The following EIF4G3 variants were observed in gnomAD, a reference collection of about 807,000 sequenced individuals.
EIF4G3 encodes the protein eIF-4-gamma 3.
In EIF4G3, 34 loss-of-function variants were observed where a neutral mutation model predicts 186.4. The observed-to-expected ratio is 0.18, with a 90% confidence interval of 0.14 to 0.24. EIF4G3 has a LOEUF of 0.24. Ranked by LOEUF, EIF4G3 falls within the 10% of genes least tolerant of loss-of-function variation. The pLI, the probability that EIF4G3 is intolerant of heterozygous loss-of-function variation, is 1.00. For synonymous variants in EIF4G3, 673 were observed against 679.5 expected (o/e 0.99, Z 0.15); for missense variants, 1,536 against 1,948.5 (o/e 0.79, Z 3.99).
chr1:21,064,214 G>A lies in EIF4G3; in HGVS notation c.-195-13220C>T, dbSNP rs542148763. Among the ~76,000 whole-genome samples the A allele has an allele frequency of 2.6e-5, 4 of 152,190 alleles. No individual in the cohort carries two copies. The East Asian group carries it at 5.8e-4, about 22-fold the overall frequency. Reference sequence around the variant, plus strand: ...TCCTTTGTGCCCTGCAGCCAATGGCGAGGTTCATGCTATCCTTTGTGCCCT... The same window carrying A: ...TCCTTTGTGCCCTGCAGCCAATGGCAAGGTTCATGCTATCCTTTGTGCCCT... On this transcript the variant is annotated intron_variant, in intron 3 of 36. Coordinates refer to ENST00000602326, the MANE Select transcript of EIF4G3 (RefSeq NM_001391906.1).
intron 4 of EIF4G3, among the ~76,000 whole-genome samples, chr1:21,050,655 A>G (rs1176214623): frequency 6.6e-6 from 1 of 152,214 alleles, no homozygotes; most frequent in East Asian, 1.9e-4. Context: ...AATATCACCA[A>G]CAGTTAATTT....
chr1:21,176,360 T>C lies in EIF4G3; in HGVS notation c.-455-2A>G. 2 of 253,078 alleles carry C rather than the reference T, an allele frequency of 7.9e-6. No homozygotes were observed. Among genetic ancestry groups the C allele is most frequent in the Non-Finnish European group, 1.5e-5 (2 of 137,502 alleles). The allele number at this position is 253,078 out of a possible 1,614,324, so 15.7% of individuals were successfully genotyped here. A position where few individuals can be genotyped will look rare whatever the true frequency, so the allele number is the denominator to read the frequency against. On this transcript the variant is annotated splice_acceptor_variant, in intron 1 of 36. Transcript: ENST00000602326. LOFTEE classifies it low-confidence loss of function (5UTR_SPLICE). Reference sequence around the variant, plus strand: ...CGGTTCCTGCTGCAGTCGCTGTGCCTGATTTCAGAGCCGGTTTCTGCGGTA... The same window carrying C: ...CGGTTCCTGCTGCAGTCGCTGTGCCCGATTTCAGAGCCGGTTTCTGCGGTA...
chr1:20,877,752 A>T (rs1400838686), intron 20 of EIF4G3, among the ~76,000 whole-genome samples: 1 of 152,204 alleles, frequency 6.6e-6, no homozygotes, highest in East Asian at 1.9e-4. Flanking sequence ...ATCTCATTTT[A>T]TGGATTAAAA....
rs71014132 is a variant in EIF4G3, at chr1:20,952,859, GCAAA to G, written c.715-2752_715-2749del. 1.2e-3 allele frequency among the ~76,000 whole-genome samples: 187 copies of G among 151,102 alleles called. 1 individual carries two copies. The highest frequency in any genetic ancestry group is 3.4e-3 in the Middle Eastern group (1 of 294). On this transcript the variant is annotated intron_variant, in intron 12 of 36. Coordinates refer to ENST00000602326, the MANE Select transcript of EIF4G3 (RefSeq NM_001391906.1). ...GAGCAAGGCTCCGTCTCGAAAACAA[GCAAA>G]CAAACAAACAAACAAACAAACAGTC...
At chr1:21,117,671 C>T (rs768704618) in intron 2 of EIF4G3, among the ~76,000 whole-genome samples, 8 of 144,420 alleles carry the variant, frequency 5.5e-5, no homozygotes, top group Non-Finnish European at 7.5e-5. Context: ...TGGCTAAACC[C>T]TGAGCATGAA....
chr1:21,018,041 C>T (rs2089688797), intron 4 of EIF4G3, among the ~76,000 whole-genome samples: 1 of 151,766 alleles, frequency 6.6e-6, no homozygotes, highest in Admixed American at 6.6e-5. Flanking sequence ...CAGGCTCAAG[C>T]GATCCTCCCA....
At chr1:20,983,735 A>T (rs1327280373) in intron 7 of EIF4G3, among the ~76,000 whole-genome samples, 2 of 152,208 alleles carry the variant, frequency 1.3e-5, no homozygotes, top group Non-Finnish European at 2.9e-5. Flanking sequence ...GCCAAGATAA[A>T]GGGCGTATCA....
intron 25 of EIF4G3, among the ~76,000 whole-genome samples, chr1:20,857,162 CAAAAAA>C (rs577290987): frequency 6.3e-5 from 3 of 47,362 alleles, no homozygotes; most frequent in Non-Finnish European, 1.1e-4. Flanking sequence ...GACTCCATCT[CAAAAAA>C]AAAAAAAAAA....
In EIF4G3 at chr1:21,151,529, T is replaced by C. The variant is rs557443864; in HGVS notation, c.-272+24646A>G. Among the ~76,000 whole-genome samples, 6 of 152,140 alleles carry C rather than the reference T, an allele frequency of 3.9e-5. No individual in the cohort carries two copies. In the East Asian group the frequency reaches 7.7e-4, roughly 20 times the overall value. On this transcript the variant is annotated intron_variant, in intron 2 of 36. Transcript: ENST00000602326. ...CTGGGATTACAGGCGTGAGCCACCA[T>C]GCCCAGCTTTAATGGTTATATAGTA...
At chr1:21,108,643 C>A (rs1292312645) in intron 2 of EIF4G3, among the ~76,000 whole-genome samples, 1 of 141,788 alleles carries the variant, frequency 7.1e-6, no homozygotes, top group Non-Finnish European at 1.5e-5. Context: ...GTGGCTGACA[C>A]CTGTAATCCC....
intron 29 of EIF4G3, chr1:20,847,766 T>G (rs1442911441): frequency 2.1e-6 from 1 of 471,384 alleles, no homozygotes; most frequent in Non-Finnish European, 4.4e-6. Flanking sequence ...AATGTTCATT[T>G]ACTTTGGTAC....
At chr1:21,089,103 GCA>G in intron 3 of EIF4G3, 33 bp downstream of exon 3, 1 of 710,420 alleles carries the variant, frequency 1.4e-6, no homozygotes, top group Non-Finnish European at 2.6e-6. Context: ...ACACACAAAA[GCA>G]CACACACAAT....
chr1:20,899,087 A>G (rs964750974), intron 16 of EIF4G3, among the ~76,000 whole-genome samples: 1 of 152,192 alleles, frequency 6.6e-6, no homozygotes, highest in Admixed American at 6.5e-5. Context: ...ATCTCTCCAT[A>G]TATCTCAAAG....
At chr1:21,101,326 G>A (rs917610955) in intron 2 of EIF4G3, among the ~76,000 whole-genome samples, 1 of 151,992 alleles carries the variant, frequency 6.6e-6, no homozygotes, top group African/African-American at 2.4e-5. Flanking sequence ...TCGGCACTTT[G>A]GGAGGCTGAG....
At chr1:20,825,251 GAA>G (rs71585786) in intron 32 of EIF4G3, 53 bp from the exon 33 acceptor site, 6,436 of 226,896 alleles carry the variant, frequency 0.028, no homozygotes, top group Middle Eastern at 0.042. Flanking sequence ...AGAAGAAACA[GAA>G]AAAAAAAAAA....
At chr1:20,937,054 T>C (rs2095539663) in intron 14 of EIF4G3, among the ~76,000 whole-genome samples, 1 of 152,172 alleles carries the variant, frequency 6.6e-6, no homozygotes, top group African/African-American at 2.4e-5. Context: ...CCAATGAATT[T>C]GTATTTTTAA....
intron 14 of EIF4G3, among the ~76,000 whole-genome samples, chr1:20,907,754 T>C (rs954590361): frequency 1.3e-5 from 2 of 152,082 alleles, no homozygotes; most frequent in Non-Finnish European, 2.9e-5. Context: ...TAGTATTCCA[T>C]GGTGTATATG....
At chr1:20,941,348 C>A in intron 14 of EIF4G3, 143 bp downstream of exon 14, 1 of 1,584,184 alleles carries the variant, frequency 6.3e-7, no homozygotes. Context: ...AACACAAACA[C>A]ACCACTGAAG....
At chr1:20,817,581 T>C (rs2061378206) in intron 33 of EIF4G3, 43 bp from the exon 34 acceptor site, 7 of 1,290,932 alleles carry the variant, frequency 5.4e-6, no homozygotes, top group Non-Finnish European at 7.2e-6. Flanking sequence ...TTAATATAAT[T>C]CTATGTTATT....
Sources: gnomAD v4.1 joint callset for allele counts (sites outside exome capture counted in the v4.1 genomes callset) on GRCh38, gnomAD v4.1.1 for gene constraint, MANE v1.5 for transcripts, NCBI Gene and HGNC (gene_info 2026-07-23, HGNC 2026-07-21) for gene names.